Variants in DGAT2L6 observed in about 807,000 individuals in gnomAD.
DGAT2L6 encodes the protein diacylglycerol O-acyltransferase 2 like 6, also known as diacylglycerol O-acyltransferase 2-like protein 6.
DGAT2L6 carries 22 observed loss-of-function variants against 25.5 expected under a neutral mutation model. The observed-to-expected ratio is 0.86, with a 90% confidence interval of 0.62 to 1.23. The LOEUF is 1.23. Among genes scored for constraint, DGAT2L6 ranks in the 50% most tolerant of loss-of-function variants. The pLI, the probability that DGAT2L6 is intolerant of heterozygous loss-of-function variation, is 0.00. For missense variants in DGAT2L6, 287 were observed against 253.2 expected, an observed-to-expected ratio of 1.13 and a Z score of -0.91; for synonymous variants, 100 against 94.7, an observed-to-expected ratio of 1.06 and a Z score of -0.32.
chrX:70,202,276 C>T (rs1035271785), intron 5 of DGAT2L6, among the ~76,000 whole-genome samples: 1 of 112,139 alleles, frequency 8.9e-6, no homozygotes, highest in African/African-American at 3.2e-5. Flanking sequence ...GGAGAAAGAA[C>T]AGCAGAAGAA....
chrX:70,193,384 C>T (rs1399817499), intron 1 of DGAT2L6, among the ~76,000 whole-genome samples: 1 of 110,895 alleles, frequency 9.0e-6, no homozygotes, highest in African/African-American at 3.3e-5. Flanking sequence ...AGGAGCACTT[C>T]CAAACTCCTT....
chrX:70,200,584 C>A, intron 4 of DGAT2L6, 125 bp downstream of exon 4: 1 of 623,465 alleles, frequency 1.6e-6, no homozygotes, highest in Non-Finnish European at 2.4e-6. Context: ...ACACCCTGGG[C>A]CCGTAACAGG....
At chrX:70,196,632 G>A (rs867926657) in intron 1 of DGAT2L6, among the ~76,000 whole-genome samples, 1 of 108,254 alleles carries the variant, frequency 9.2e-6, no homozygotes, top group African/African-American at 3.4e-5. Flanking sequence ...ATCTATAAAA[G>A]AAAAAAAATT....
chrX:70,200,449 G>A lies in DGAT2L6; in HGVS notation c.462G>A (p.Val154=), dbSNP rs2085406151. ...GGATCCCAATTGTGCGAGAATATGT[G>A]ATGTCAATGGGTGAGTATAAGAAAT... ...IFWIPIVREY[V]MSMGVCPVSS... Residue 154 remains valine (V), a synonymous_variant, in exon 4 of 7, where the codon GTG becomes GTA. Coordinates refer to ENST00000333026, the MANE Select transcript of DGAT2L6 (RefSeq NM_198512.3). The A allele has an allele frequency of 1.7e-6, 2 of 1,209,305 alleles. No homozygotes were observed. Among genetic ancestry groups the A allele is most frequent in the Non-Finnish European group, 2.2e-6 (2 of 893,333 alleles).
chrX:70,200,544 G>T (rs1304078151), intron 4 of DGAT2L6, 85 bp downstream of exon 4: 2 of 890,891 alleles, frequency 2.2e-6, no homozygotes, highest in Non-Finnish European at 3.2e-6. Context: ...CTACCTGCTT[G>T]AAGAGTACAT....
At position 70,177,596 on chromosome X, in the gene DGAT2L6, C is replaced by G. The variant is rs140208534; in HGVS notation, c.14C>G (p.Ser5Cys). The stretch of plus-strand genomic sequence containing the variant: ...AGCACCATAACCATGGCTTTCTTCT[C>G]CCGACTGAATCTCCAGGAGGGCCTC... MAFF[S>C]RLNLQEGLQT... is the part of the protein sequence containing the mutation. The change falls in exon 1 of 7, where the codon TCC (serine) becomes TGC (cysteine). Residue 5 changes from serine (S) to cysteine (C), a missense_variant. Ser to Cys is a moderately radical substitution (Grantham distance 112). Transcript: ENST00000333026. 1.5e-5 allele frequency: 18 copies of G among 1,209,325 alleles called. No homozygotes were observed. The East Asian group carries it at 3.6e-4, about 24-fold the overall frequency.
At chrX:70,193,499 A>G (rs1477401942) in intron 1 of DGAT2L6, among the ~76,000 whole-genome samples, 1 of 111,165 alleles carries the variant, frequency 9.0e-6, no homozygotes, top group Admixed American at 9.6e-5. Flanking sequence ...AAAAATCCTC[A>G]ACAAAATACT....
chrX:70,178,065 G>A (rs1803190195), intron 1 of DGAT2L6, among the ~76,000 whole-genome samples: 1 of 109,860 alleles, frequency 9.1e-6, no homozygotes, highest in Non-Finnish European at 1.9e-5. Context: ...GAACCCGGGA[G>A]GTGGAGCTTG....
chrX:70,203,768 G>A (rs1169785512), intron 5 of DGAT2L6, among the ~76,000 whole-genome samples: 1 of 110,919 alleles, frequency 9.0e-6, no homozygotes, highest in Non-Finnish European at 1.9e-5. Flanking sequence ...ATGAGATTGG[G>A]ACTGAGTGCA....
Position 70,204,970 on chromosome X carries a change from T to C in DGAT2L6, c.878T>C (p.Ile293Thr). The part of the protein sequence containing the change: ...ITTVVGEPLP[I>T]PRIKRPNQKT... The stretch of plus-strand genomic sequence containing the variant: ...TTCATAGTTGGGGAACCCCTTCCAA[T>C]TCCCAGGATTAAGAGGCCAAACCAG... The change falls in exon 7 of 7, where the codon ATT (isoleucine) becomes ACT (threonine). Residue 293 changes from isoleucine (I) to threonine (T), a missense_variant. Ile to Thr is a moderately conservative substitution (Grantham distance 89). Coordinates refer to ENST00000333026, the MANE Select transcript of DGAT2L6 (RefSeq NM_198512.3). The C allele has an allele frequency of 8.4e-7, 1 of 1,186,501 alleles. No individual in the cohort carries two copies. Among genetic ancestry groups the C allele is most frequent in the Non-Finnish European group, 1.1e-6 (1 of 886,576 alleles).
At chrX:70,195,132 A>G (rs1399034036) in intron 1 of DGAT2L6, among the ~76,000 whole-genome samples, 1 of 112,342 alleles carries the variant, frequency 8.9e-6, no homozygotes, top group African/African-American at 3.2e-5. Flanking sequence ...CAAAGGGTAT[A>G]TGAAAAGGGG....
Position 70,201,961 on chromosome X carries a change from A to G in DGAT2L6, c.544A>G (p.Ile182Val). The G allele has an allele frequency of 8.3e-7, 1 of 1,209,799 alleles. No homozygotes were observed. Among genetic ancestry groups the G allele is most frequent in the Non-Finnish European group, 1.1e-6 (1 of 894,697 alleles). The change falls in exon 5 of 7, where the codon ATT (isoleucine) becomes GTT (valine). Residue 182 changes from isoleucine to valine, a missense_variant. Physicochemically the swap from Ile to Val is conservative, Grantham distance 29 (BLOSUM62 3). Transcript: ENST00000333026. ...TQKGSGNAVV[I>V]VVGGAAEALL... ...GAAAGGCTCAGGCAATGCCGTGGTT[A>G]TTGTGGTGGGTGGAGCTGCTGAAGC...
chrX:70,198,364 G>GT (rs1015398820), intron 1 of DGAT2L6, among the ~76,000 whole-genome samples: 15 of 111,532 alleles, frequency 1.3e-4, no homozygotes, highest in African/African-American at 4.9e-4. Flanking sequence ...TTGTTGTTTT[G>GT]TTTTTTGTTT....
intron 3 of DGAT2L6, 68 bp downstream of exon 3, chrX:70,199,950 T>C: frequency 9.4e-7 from 1 of 1,059,621 alleles, no homozygotes; most frequent in African/African-American, 1.8e-5. Context: ...CTCAGCTCCA[T>C]GTTTTCAGAG....
intron 1 of DGAT2L6, among the ~76,000 whole-genome samples, chrX:70,185,115 C>T (rs1569427892): frequency 2.7e-5 from 3 of 111,377 alleles, no homozygotes; most frequent in South Asian, 7.6e-4. Flanking sequence ...TCTCCAGTTT[C>T]CTTCCCAGCT....
intron 1 of DGAT2L6, among the ~76,000 whole-genome samples, chrX:70,189,775 A>G (rs1200538506): frequency 8.9e-6 from 1 of 112,378 alleles, no homozygotes; most frequent in Non-Finnish European, 1.9e-5. Context: ...ATATGTATAT[A>G]CTTACATTTT....
chrX:70,194,305 C>T (rs1348339944), intron 1 of DGAT2L6, among the ~76,000 whole-genome samples: 2 of 111,556 alleles, frequency 1.8e-5, no homozygotes, highest in Admixed American at 1.9e-4. Flanking sequence ...ACATTATTAA[C>T]ATGTCTATAC....
chrX:70,190,099 C>T (rs1251900283), intron 1 of DGAT2L6, among the ~76,000 whole-genome samples: 1 of 111,867 alleles, frequency 8.9e-6, no homozygotes. Flanking sequence ...ATATATTGAT[C>T]CACAGAACAG....
At position 70,204,391 on chromosome X, in the gene DGAT2L6, T is replaced by A. The variant is rs1169569111; in HGVS notation, c.734T>A (p.Phe245Tyr). 8.3e-7 allele frequency: 1 copy of A among 1,211,296 alleles called. No homozygotes were observed. The highest frequency in any genetic ancestry group is 1.1e-6 in the Non-Finnish European group (1 of 895,354). The part of the protein sequence containing the change: ...TFPEGTWLRL[F>Y]QKTFQDTFKK... ...CCTGAGGGCACGTGGTTAAGGTTGT[T>A]CCAAAAAACCTTCCAGGACACATTC... The change falls in exon 6 of 7, where the codon TTC becomes TAC. Residue 245 changes from phenylalanine to tyrosine, a missense_variant. By Grantham distance (22) the Phe-to-Tyr change is conservative (BLOSUM62 3). Transcript: ENST00000333026.
Sources: allele counts gnomAD v4.1 joint callset (sites outside exome capture counted in the v4.1 genomes callset), GRCh38; gene constraint gnomAD v4.1.1; transcripts MANE v1.5; gene names NCBI Gene and HGNC (gene_info 2026-07-23, HGNC 2026-07-21).